Variants in SART3 observed in about 807,000 individuals in gnomAD.
SART3 encodes spliceosome associated factor 3, U4/U6 recycling protein.
A neutral mutation model predicts 122.3 loss-of-function variants in SART3; 44 were observed. That is an observed-to-expected ratio of 0.36 (90% CI 0.28 to 0.46). The LOEUF (loss-of-function observed/expected upper bound fraction) is 0.46, where lower values mean the gene tolerates loss of function less well. SART3 is among the 20% of genes least tolerant of loss of function. SART3 has a pLI of 1.00. For missense variants in SART3, 1,101 were observed against 1,229.0 expected (o/e 0.90, Z 1.56); for synonymous variants, 442 against 454.0 (o/e 0.97, Z 0.34).
Position 108,549,158 on chromosome 12 carries a change from C to A in SART3, c.369G>T (p.Arg123Ser). 6.2e-7 allele frequency: 1 copy of A among 1,614,202 alleles called. No individual in the cohort carries two copies. ...NCHVDLIRLLRLEGELTKVRM... is the reference protein window; with the variant it reads ...NCHVDLIRLLSLEGELTKVRM... ...TCACCTTGGTAAGCTCCCCTTCCAG[C>A]CTGAGCAGTCTGATCAAGTCCACAT... Residue 123 changes from arginine to serine, a missense_variant, in exon 2 of 19, where the codon AGG (arginine) becomes AGT (serine). Transcript: ENST00000546815.
At chr12:108,537,810 AG>A in intron 8 of SART3, 1 of 662,656 alleles carries the variant, frequency 1.5e-6, no homozygotes, top group Non-Finnish European at 2.6e-6. Flanking sequence ...ACGCCCTGCA[AG>A]AAAAGTTCCA....
chr12:108,525,376 G>T, intron 17 of SART3, 81 bp downstream of exon 17: 2 of 1,483,112 alleles, frequency 1.3e-6, no homozygotes, highest in Non-Finnish European at 1.9e-6. Context: ...CCATTCTAGA[G>T]GTTAAATCAT....
rs375595103 is a variant in SART3, at chr12:108,548,540, G to A, written c.439+548C>T. Among the ~76,000 whole-genome samples the A allele has an allele frequency of 2.6e-5, 4 of 152,210 alleles. No homozygotes were observed. In the East Asian group the frequency reaches 5.8e-4, roughly 22 times the overall value. On this transcript the variant is annotated intron_variant, in intron 2 of 18. Transcript: ENST00000546815. ...CACTCGGCAGTTATGCTTTGCAGAA[G>A]GGAAAAGGGGCAGAGTGGGATCTAG...
At chr12:108,531,112 G>A (rs1872661092) in intron 14 of SART3, 92 bp downstream of exon 14, 3 of 948,020 alleles carry the variant, frequency 3.2e-6, no homozygotes, top group Non-Finnish European at 5.2e-6. Flanking sequence ...AGACACTTAG[G>A]AAAATGTAAA....
intron 2 of SART3, among the ~76,000 whole-genome samples, chr12:108,548,218 A>AT (rs1873522327): frequency 1.3e-5 from 2 of 152,224 alleles, no homozygotes; most frequent in Non-Finnish European, 1.5e-5. Context: ...GGCATTTTAT[A>AT]TTTTGCAAAG....
chr12:108,537,196 CAG>C, intron 9 of SART3: 1 of 445,584 alleles, frequency 2.2e-6, no homozygotes, highest in East Asian at 4.6e-5. Flanking sequence ...TAAAACACAG[CAG>C]ACTTATTTCA....
At chr12:108,538,384 C>G (rs1003108053) in intron 7 of SART3, among the ~76,000 whole-genome samples, 181 bp from the exon 8 acceptor site, 1 of 152,206 alleles carries the variant, frequency 6.6e-6, no homozygotes, top group Admixed American at 6.5e-5. Flanking sequence ...AGAGGAGCAA[C>G]TTACAGGTTA....
intron 3 of SART3, 92 bp downstream of exon 3, chr12:108,547,795 T>C: frequency 1.1e-6 from 1 of 902,954 alleles, no homozygotes; most frequent in Non-Finnish European, 1.8e-6. Flanking sequence ...CGTTCCCTTT[T>C]CTGGGTAGCA....
chr12:108,560,204 C>T (rs983187718), intron 1 of SART3: 1 of 152,420 alleles, frequency 6.6e-6, no homozygotes, highest in East Asian at 1.9e-4. Context: ...AGATGCTAGG[C>T]ACTGAGCTAT....
At position 108,561,143 on chromosome 12, in the gene SART3, C is replaced by T. The variant is rs563795962; in HGVS notation, c.12G>A (p.Ala4=). 24 of 1,613,190 alleles carry T rather than the reference C, an allele frequency of 1.5e-5. No individual in the cohort carries two copies. Among genetic ancestry groups the T allele is most frequent in the Non-Finnish European group, 1.9e-5 (22 of 1,179,278 alleles). MAT[A]AETSASEPEA... ...CGGGTTCTGAAGCCGAGGTTTCGGC[C>T]GCAGTCGCCATCTTGCGCTTCTAAT... Residue 4 remains alanine (A), a synonymous_variant, in exon 1 of 19, where the codon GCG becomes GCA. Coordinates refer to ENST00000546815, the MANE Select transcript of SART3 (RefSeq NM_014706.4).
In SART3 at chr12:108,543,144, C is replaced by T. The variant is rs754659926; in HGVS notation, c.790G>A (p.Ala264Thr). 12 of 1,614,016 alleles carry T rather than the reference C, an allele frequency of 7.4e-6. No individual in the cohort carries two copies. Among genetic ancestry groups the T allele is most frequent in the Admixed American group, 6.7e-5 (4 of 60,004 alleles). ...QLAIPLYDMEATFAEYEEWSE... is the reference protein window; with the variant it reads ...QLAIPLYDMETTFAEYEEWSE... ...CATTCTTCATACTCTGCAAATGTGG[C>T]CTCCATATCTATTGAAAGATGGATT... The change falls in exon 6 of 19, where the codon GCC becomes ACC. Residue 264 changes from alanine to threonine, a missense_variant. Ala to Thr is a moderately conservative substitution (Grantham distance 58). Transcript: ENST00000546815.
Position 108,538,010 on chromosome 12 carries a change from CTGTT to C in SART3, c.1201+51_1201+54del. 5 of 1,611,214 alleles carry C rather than the reference CTGTT, an allele frequency of 3.1e-6. No individual in the cohort carries two copies. In the South Asian group the frequency reaches 4.4e-5, roughly 14 times the overall value. ...GATGTAATGACTTTGTCACCGCTCTCTGTTTTTCACTTGGGACAAATAGCTTAGA... is the reference window on the plus strand; with the variant it reads ...GATGTAATGACTTTGTCACCGCTCTCTTTCACTTGGGACAAATAGCTTAGA... On this transcript the variant is annotated intron_variant, in intron 8 of 18. Coordinates refer to ENST00000546815, the MANE Select transcript of SART3 (RefSeq NM_014706.4).
intron 12 of SART3, 21 bp downstream of exon 12, chr12:108,535,338 C>A: frequency 6.3e-7 from 1 of 1,598,244 alleles, no homozygotes. Flanking sequence ...CTGCCTCCCT[C>A]CCCACCCCGA....
At position 108,530,315 on chromosome 12, in the gene SART3, A is replaced by G. The variant is rs780434046; in HGVS notation, c.1747-5T>C. ...GGCTGCTTCCTTCTCTGCAGCCTAG[A>G]AAAGTGGGAAGATGATGCATCGCTG... On this transcript the variant is annotated splice_polypyrimidine_tract_variant and splice_region_variant and intron_variant, in intron 14 of 18. Coordinates refer to ENST00000546815, the MANE Select transcript of SART3 (RefSeq NM_014706.4). 9.9e-5 allele frequency: 160 copies of G among 1,613,790 alleles called. No individual in the cohort carries two copies. Among genetic ancestry groups the G allele is most frequent in the Non-Finnish European group, 1.3e-4 (152 of 1,180,028 alleles).
At chr12:108,527,441 CCA>C (rs1593232879) in intron 15 of SART3, among the ~76,000 whole-genome samples, 1 of 152,250 alleles carries the variant, frequency 6.6e-6, no homozygotes, top group African/African-American at 2.4e-5. Flanking sequence ...ATCTCTTCCC[CCA>C]CAGTCTTCCT....
In SART3 at chr12:108,544,433, G is replaced by A; in HGVS notation, c.775C>T (p.Leu259Phe). 1 of 1,613,794 alleles carries A rather than the reference G, an allele frequency of 6.2e-7. No individual in the cohort carries two copies. Among genetic ancestry groups the A allele is most frequent in the Non-Finnish European group, 8.5e-7 (1 of 1,179,636 alleles). The change falls in exon 5 of 19, where the codon CTC becomes TTC. Residue 259 changes from leucine to phenylalanine, a missense_variant. Transcript: ENST00000546815. ...SLFRRQLAIP[L>F]YDMEATFAEY... is the part of the protein sequence containing the mutation. ...ACATGTCAGTTTCTCTTACCATAGA[G>A]TGGGATCGCCAACTGTCGCCGGAAA...
At chr12:108,540,759 G>A (rs974471158) in intron 6 of SART3, among the ~76,000 whole-genome samples, 2 of 151,884 alleles carry the variant, frequency 1.3e-5, no homozygotes, top group Non-Finnish European at 2.9e-5. Context: ...TAAACCAGTG[G>A]GACAGAACAG....
chr12:108,527,444 C>G (rs1458103975), intron 15 of SART3, among the ~76,000 whole-genome samples: 1 of 152,238 alleles, frequency 6.6e-6, no homozygotes. Context: ...TCTTCCCCCA[C>G]AGTCTTCCTG....
chr12:108,549,231 C>G lies in SART3; in HGVS notation c.313-17G>C, dbSNP rs755844134. The G allele has an allele frequency of 6.2e-7, 1 of 1,613,832 alleles. No homozygotes were observed. Among genetic ancestry groups the G allele is most frequent in the Non-Finnish European group, 8.5e-7 (1 of 1,179,884 alleles). On this transcript the variant is annotated splice_polypyrimidine_tract_variant and intron_variant, in intron 1 of 18. Coordinates refer to ENST00000546815, the MANE Select transcript of SART3 (RefSeq NM_014706.4). ...GATAGACAACTAACAGGAAAAGAAA[C>G]AAGTTGAAATTTAAAACACCGTCAT...
Sources: gnomAD v4.1 joint callset for allele counts (sites outside exome capture counted in the v4.1 genomes callset) on GRCh38, gnomAD v4.1.1 for gene constraint, MANE v1.5 for transcripts, NCBI Gene and HGNC (gene_info 2026-07-23, HGNC 2026-07-21) for gene names.